Variants in TNNI3K observed in about 807,000 individuals in gnomAD.
TNNI3K encodes TNNI3 interacting kinase.
TNNI3K carries 140 observed loss-of-function variants against 114.5 expected under a neutral mutation model. The ratio of observed to expected loss-of-function variants is 1.22; its 90% CI spans 1.07 to 1.41. TNNI3K has a LOEUF of 1.41. Ranked by LOEUF, TNNI3K falls within the 40% of genes most tolerant of loss-of-function variation. The pLI, the probability that TNNI3K is intolerant of heterozygous loss-of-function variation, is 0.00. For synonymous variants in TNNI3K, 347 were observed against 347.5 expected (o/e 1.00, Z 0.02); for missense variants, 1,125 against 1,007.6 (o/e 1.12, Z -1.58).
At chr1:74,510,719 A>G (rs1670144118) in intron 23 of TNNI3K, among the ~76,000 whole-genome samples, 4 of 152,206 alleles carry the variant, frequency 2.6e-5, no homozygotes, top group South Asian at 4.1e-4. Flanking sequence ...ATAAAGTTTA[A>G]TTAAATATGG....
intron 4 of TNNI3K, 62 bp downstream of exon 4, chr1:74,250,831 CTTTT>C: frequency 8.5e-5 from 82 of 959,436 alleles, no homozygotes; most frequent in South Asian, 2.8e-4. Context: ...TATCTTTAGG[CTTTT>C]TTTTTTTTTT....
chr1:74,506,393 G>A (rs537298253), intron 23 of TNNI3K, among the ~76,000 whole-genome samples: 2 of 152,240 alleles, frequency 1.3e-5, no homozygotes, highest in African/African-American at 4.8e-5. Flanking sequence ...TAAACAGCAG[G>A]GCCAAGATTT....
chr1:74,352,746 T>G (rs1054727762), intron 9 of TNNI3K, among the ~76,000 whole-genome samples: 13 of 152,200 alleles, frequency 8.5e-5, no homozygotes, highest in African/African-American at 3.1e-4. Context: ...CGAGGCTCCG[T>G]GGGCATAGGA....
At chr1:74,350,195 G>T (rs1301878114) in intron 9 of TNNI3K, among the ~76,000 whole-genome samples, 1 of 152,134 alleles carries the variant, frequency 6.6e-6, no homozygotes, top group African/African-American at 2.4e-5. Flanking sequence ...TGGTTTCAAA[G>T]AACATCTTTA....
At chr1:74,517,371 A>G (rs79641852) in intron 23 of TNNI3K, among the ~76,000 whole-genome samples, 5,362 of 152,268 alleles carry the variant, frequency 0.035, 313 homozygotes, top group African/African-American at 0.12. Context: ...ATTAGTATCA[A>G]AAATTTTCTG....
chr1:74,335,944 A>G (rs1660440771), intron 6 of TNNI3K, 67 bp from the exon 7 acceptor site: 4 of 1,492,580 alleles, frequency 2.7e-6, no homozygotes, highest in Non-Finnish European at 8.9e-7. Flanking sequence ...GTGTTCTTGT[A>G]TACTGCCAAA....
intron 21 of TNNI3K, among the ~76,000 whole-genome samples, chr1:74,472,722 C>T (rs985940014): frequency 5.9e-5 from 9 of 151,880 alleles, no homozygotes; most frequent in African/African-American, 2.2e-4. Context: ...TTTTATTTCC[C>T]ATAACTTAAT....
intron 21 of TNNI3K, chr1:74,471,117 T>A (rs1667911124): frequency 5.0e-6 from 2 of 400,666 alleles, no homozygotes; most frequent in African/African-American, 4.1e-5. Context: ...TTGATGTGTT[T>A]CCATCAGGAA....
chr1:74,440,159 G>T (rs1425544473), intron 20 of TNNI3K, among the ~76,000 whole-genome samples: 1 of 151,934 alleles, frequency 6.6e-6, no homozygotes, highest in Non-Finnish European at 1.5e-5. Flanking sequence ...TTTCATTGAT[G>T]ATACACATTA....
Position 74,250,675 on chromosome 1 carries a change from A to G in TNNI3K, c.239A>G (p.Lys80Arg), listed in dbSNP as rs201627413. ...LLHLCCICGG[K>R]KSHIRTLMLK... ...TTTTTTCATTTTTCTCTTTAAGGCA[A>G]GAAATCACATATTCGAACTCTTATG... The change falls in exon 4 of 25, where the codon AAG becomes AGG. Residue 80 changes from lysine to arginine, a missense_variant. Transcript: ENST00000326637. 1.2e-6 allele frequency: 2 copies of G among 1,609,288 alleles called. No homozygotes were observed. Among genetic ancestry groups the G allele is most frequent in the Non-Finnish European group, 1.7e-6 (2 of 1,178,682 alleles).
At chr1:74,252,777 C>A (rs547823047) in intron 4 of TNNI3K, among the ~76,000 whole-genome samples, 1 of 152,212 alleles carries the variant, frequency 6.6e-6, no homozygotes, top group African/African-American at 2.4e-5. Flanking sequence ...AAGCTGCAGA[C>A]CTTCGCGGTG....
chr1:74,474,209 G>A (rs1468410371), intron 21 of TNNI3K, among the ~76,000 whole-genome samples: 1 of 152,094 alleles, frequency 6.6e-6, no homozygotes, highest in African/African-American at 2.4e-5. Context: ...AAAGTTAAAA[G>A]ATGAAATGAA....
rs144962453 is a variant in TNNI3K, at chr1:74,522,610, A to G, written c.2352-17624A>G. 3.2e-4 allele frequency among the ~76,000 whole-genome samples: 49 copies of G among 152,042 alleles called. 1 individual carries two copies. In the East Asian group the frequency reaches 9.1e-3, roughly 28 times the overall value. On this transcript the variant is annotated intron_variant, in intron 23 of 24. Coordinates refer to ENST00000326637, the MANE Select transcript of TNNI3K (RefSeq NM_015978.3). ...TCCTGCATATTCCCAAAATGTAAGT[A>G]GCTGTTTTTCTGGTCCCTAAGGTGT...
At chr1:74,316,614 G>T (rs1397107631) in intron 5 of TNNI3K, among the ~76,000 whole-genome samples, 1 of 151,820 alleles carries the variant, frequency 6.6e-6, no homozygotes, top group Non-Finnish European at 1.5e-5. Context: ...TCTCAGGGAG[G>T]CCCTTCCAGA....
intron 5 of TNNI3K, among the ~76,000 whole-genome samples, chr1:74,292,647 TA>T (rs1301063322): frequency 6.6e-6 from 1 of 151,334 alleles, no homozygotes; most frequent in African/African-American, 2.4e-5. Flanking sequence ...ATGTTCCCTT[TA>T]TTCTTGAAGT....
intron 20 of TNNI3K, 101 bp downstream of exon 20, chr1:74,439,723 G>T: frequency 3.3e-6 from 5 of 1,514,464 alleles, no homozygotes; most frequent in Non-Finnish European, 3.6e-6. Context: ...GTCTCAGTGA[G>T]ATGGCAAAAG....
chr1:74,397,400 C>T (rs530116833), intron 17 of TNNI3K, among the ~76,000 whole-genome samples: 23 of 152,276 alleles, frequency 1.5e-4, no homozygotes, highest in South Asian at 1.0e-3. Context: ...GTAGCTGCCA[C>T]GGCCCTGCTC....
At chr1:74,278,948 A>G (rs1470819898) in intron 5 of TNNI3K, among the ~76,000 whole-genome samples, 2 of 152,156 alleles carry the variant, frequency 1.3e-5, no homozygotes, top group African/African-American at 2.4e-5. Flanking sequence ...AAATTATGTT[A>G]TAATTACATA....
intron 5 of TNNI3K, among the ~76,000 whole-genome samples, chr1:74,285,022 A>AT (rs1348185266): frequency 6.6e-6 from 1 of 152,222 alleles, no homozygotes; most frequent in Non-Finnish European, 1.5e-5. Context: ...ATGGATACAC[A>AT]TTTTTTGTTC....
Sources: gnomAD v4.1 joint callset for allele counts (sites outside exome capture counted in the v4.1 genomes callset) on GRCh38, gnomAD v4.1.1 for gene constraint, MANE v1.5 for transcripts, NCBI Gene and HGNC (gene_info 2026-07-23, HGNC 2026-07-21) for gene names.